Variants in SORBS2 observed in about 807,000 individuals in gnomAD.
SORBS2 encodes sorbin and SH3 domain-containing protein 2.
In SORBS2, 46 loss-of-function variants were observed where a neutral mutation model predicts 97.7. The ratio of observed to expected loss-of-function variants is 0.47; its 90% CI spans 0.37 to 0.60. The LOEUF is 0.60. Ranked by LOEUF, SORBS2 falls within the 20% of genes least tolerant of loss-of-function variation. The pLI is 0.00. For synonymous variants in SORBS2, 476 were observed against 473.4 expected, an observed-to-expected ratio of 1.01 and a Z score of -0.07; for missense variants, 1,316 against 1,282.3, an observed-to-expected ratio of 1.03 and a Z score of -0.40.
At chr4:185,845,093 G>A (rs551752122) in intron 1 of SORBS2, among the ~76,000 whole-genome samples, 8 of 151,174 alleles carry the variant, frequency 5.3e-5, no homozygotes, top group African/African-American at 1.9e-4. Flanking sequence ...ACTCACTGCA[G>A]CCTCATCCTC....
chr4:185,677,721 G>C (rs1004503539), intron 4 of SORBS2: 2 of 1,160,824 alleles, frequency 1.7e-6, no homozygotes, highest in Non-Finnish European at 2.3e-6. Flanking sequence ...AAAGAAACCA[G>C]TGTCAACCTT....
At chr4:185,596,766 C>T (rs1178519220) in intron 12 of SORBS2, among the ~76,000 whole-genome samples, 4 of 152,058 alleles carry the variant, frequency 2.6e-5, no homozygotes, top group African/African-American at 9.7e-5. Context: ...ATCTCCTGAC[C>T]TTGTGATCTT....
chr4:185,736,850 A>G (rs2098690866), intron 2 of SORBS2, among the ~76,000 whole-genome samples: 1 of 152,228 alleles, frequency 6.6e-6, no homozygotes, highest in Admixed American at 6.5e-5. Flanking sequence ...GATAGTCCAT[A>G]GTTGGGGAGA....
intron 2 of SORBS2, among the ~76,000 whole-genome samples, chr4:185,737,426 G>C (rs1456851815): frequency 6.6e-6 from 1 of 152,144 alleles, no homozygotes; most frequent in African/African-American, 2.4e-5. Flanking sequence ...ACCGTTTAGG[G>C]AGGCCTGTGC....
chr4:185,725,103 T>A (rs1159355855), intron 2 of SORBS2, among the ~76,000 whole-genome samples: 1 of 152,214 alleles, frequency 6.6e-6, no homozygotes, highest in Non-Finnish European at 1.5e-5. Context: ...TCAATTATGG[T>A]AAATCTTTGA....
chr4:185,884,427 G>C (rs1212590452), intron 1 of SORBS2, among the ~76,000 whole-genome samples: 3 of 152,058 alleles, frequency 2.0e-5, no homozygotes, highest in African/African-American at 7.2e-5. Context: ...TGTATTTCTT[G>C]ATTTTTAAAA....
chr4:185,893,872 T>C (rs2124092), intron 1 of SORBS2, among the ~76,000 whole-genome samples: 38,302 of 152,006 alleles, frequency 0.25, 5,157 homozygotes, highest in East Asian at 0.54. Flanking sequence ...GGGAATGGGG[T>C]AAAAGTCTCT....
chr4:185,838,930 C>T lies in SORBS2; in HGVS notation c.-337-63564G>A, dbSNP rs191342403. 7.2e-5 allele frequency among the ~76,000 whole-genome samples: 11 copies of T among 152,270 alleles called. No homozygotes were observed. In the East Asian group the frequency reaches 7.7e-4, roughly 11 times the overall value. On this transcript the variant is annotated intron_variant, in intron 1 of 20. Transcript: ENST00000284776. ...GTGCTCAGCCACCACAGGGTTCTCA[C>T]GGTGTTTATTTCTATGTTGTTTCTT...
At chr4:185,713,921 A>G (rs2098444935) in intron 2 of SORBS2, among the ~76,000 whole-genome samples, 1 of 152,234 alleles carries the variant, frequency 6.6e-6, no homozygotes, top group South Asian at 2.1e-4. Context: ...GACTCTGACC[A>G]TTAGCATTGA....
At chr4:185,947,976 G>C (rs181058687) in intron 1 of SORBS2, among the ~76,000 whole-genome samples, 2 of 152,166 alleles carry the variant, frequency 1.3e-5, no homozygotes, top group African/African-American at 4.8e-5. Context: ...CATGGAACCC[G>C]GCACTAAGGA....
At chr4:185,638,106 G>T (rs1318953266) in intron 4 of SORBS2, 2 of 1,610,488 alleles carry the variant, frequency 1.2e-6, no homozygotes, top group Admixed American at 1.7e-5. Context: ...GTTCTGAAAA[G>T]AATTTATACC....
chr4:185,923,166 G>A (rs949164715), intron 1 of SORBS2, among the ~76,000 whole-genome samples: 14 of 152,238 alleles, frequency 9.2e-5, no homozygotes, highest in African/African-American at 2.7e-4. Flanking sequence ...ACAAAGGTGA[G>A]TGTCTTGTCC....
intron 1 of SORBS2, among the ~76,000 whole-genome samples, chr4:185,804,802 T>C (rs898426416): frequency 5.3e-5 from 8 of 152,156 alleles, no homozygotes; most frequent in African/African-American, 1.4e-4. Context: ...TAGGTTTCTA[T>C]TGTTTTCTTG....
intron 12 of SORBS2, among the ~76,000 whole-genome samples, chr4:185,603,897 A>G (rs1436465963): frequency 2.0e-5 from 3 of 152,164 alleles, no homozygotes; most frequent in Non-Finnish European, 2.9e-5. Flanking sequence ...ATCCTCATGA[A>G]TTTACGTCAC....
intron 2 of SORBS2, among the ~76,000 whole-genome samples, chr4:185,688,906 T>C (rs776620627): frequency 1.4e-4 from 21 of 152,114 alleles, no homozygotes; most frequent in Non-Finnish European, 2.5e-4. Flanking sequence ...TAAGTGGAAG[T>C]TCATCCAAAT....
At chr4:185,923,405 G>A (rs1020704663) in intron 1 of SORBS2, among the ~76,000 whole-genome samples, 6 of 151,706 alleles carry the variant, frequency 4.0e-5, no homozygotes, top group Non-Finnish European at 8.8e-5. Context: ...TGATCCTCCT[G>A]CCTCAGCCTC....
rs574449452 is a variant in SORBS2, at chr4:185,854,956, G to A, written c.-337-79590C>T. The stretch of plus-strand genomic sequence containing the variant: ...TGGGTTTCTAAGACTTAAAATAAGA[G>A]CATTTTATATACACACATTTATATG... On this transcript the variant is annotated intron_variant, in intron 1 of 20. Transcript: ENST00000284776. 3.3e-5 allele frequency among the ~76,000 whole-genome samples: 5 copies of A among 152,152 alleles called. No individual in the cohort carries two copies. The East Asian group carries it at 9.7e-4, about 29-fold the overall frequency.
intron 4 of SORBS2, chr4:185,645,651 G>A (rs1464177510): frequency 6.6e-6 from 1 of 152,158 alleles, no homozygotes; most frequent in Admixed American, 6.5e-5. Context: ...ATATGAGTGT[G>A]ATTTCTTGGA....
At chr4:185,635,233 A>T in intron 4 of SORBS2, 122 bp downstream of exon 16, 1 of 692,134 alleles carries the variant, frequency 1.4e-6, no homozygotes, top group East Asian at 2.7e-5. Context: ...AATGATGCAA[A>T]GATAGATATT....
Sources: allele counts gnomAD v4.1 joint callset (sites outside exome capture counted in the v4.1 genomes callset), GRCh38; gene constraint gnomAD v4.1.1; transcripts MANE v1.5; gene names NCBI Gene and HGNC (gene_info 2026-07-23, HGNC 2026-07-21).